The following HSD17B11 variants were observed in gnomAD, a reference collection of about 807,000 sequenced individuals.
HSD17B11 encodes estradiol 17-beta-dehydrogenase 11.
In HSD17B11, 22 loss-of-function variants were observed where a neutral mutation model predicts 27.8. The observed-to-expected ratio is 0.79, with a 90% CI of 0.56 to 1.13. The LOEUF (loss-of-function observed/expected upper bound fraction) is 1.13. Ranked by LOEUF, HSD17B11 falls within the 50% of genes most tolerant of loss-of-function variation. HSD17B11 has a pLI of 0.00. For missense variants in HSD17B11, 314 were observed against 351.1 expected (o/e 0.89, Z 0.84); for synonymous variants, 117 against 132.8 (o/e 0.88, Z 0.82).
At position 87,357,105 on chromosome 4, in the gene HSD17B11, T is replaced by C. The variant is rs76359325; in HGVS notation, c.695+174A>G. On this transcript the variant is annotated intron_variant, in intron 5 of 6. Transcript: ENST00000358290. Reference sequence around the variant, plus strand: ...ACTTTTTTAGTCACGCTCCCTTGCTTTCTCTCTTTTTGGCTTTCCACCTGT... The same window carrying C: ...ACTTTTTTAGTCACGCTCCCTTGCTCTCTCTCTTTTTGGCTTTCCACCTGT... Among the ~76,000 whole-genome samples, 741 of 152,332 alleles carry C rather than the reference T, an allele frequency of 4.9e-3. 11 individuals are homozygous for C. The East Asian group carries it at 0.055, about 11-fold the overall frequency.
At chr4:87,378,783 ATATATATATGATTT>A (rs1385801866) in intron 2 of HSD17B11, among the ~76,000 whole-genome samples, 3 of 116,578 alleles carry the variant, frequency 2.6e-5, no homozygotes, top group Non-Finnish European at 3.5e-5. Flanking sequence ...TTTTGCGTGT[ATATATATATGATTT>A]TATATATATA....
At chr4:87,376,518 A>C (rs1011678736) in intron 2 of HSD17B11, among the ~76,000 whole-genome samples, 1 of 147,584 alleles carries the variant, frequency 6.8e-6, no homozygotes, top group East Asian at 1.9e-4. Flanking sequence ...AAAAAAAAAA[A>C]AAAACCCAAA....
intron 2 of HSD17B11, among the ~76,000 whole-genome samples, chr4:87,376,199 T>C (rs1560768029): frequency 6.6e-6 from 1 of 152,122 alleles, no homozygotes. Flanking sequence ...CAGGTGTCTA[T>C]GAGGGTACTT....
In HSD17B11 at chr4:87,390,962, C is replaced by T; in HGVS notation, c.109G>A (p.Glu37Lys). Residue 37 changes from glutamate (E) to lysine (K), a missense_variant, in exon 1 of 7, where the codon GAA becomes AAA. Physicochemically the swap from Glu to Lys is moderately conservative, Grantham distance 56 (BLOSUM62 1). Coordinates refer to ENST00000358290, the MANE Select transcript of HSD17B11 (RefSeq NM_016245.5). ...IPKRRKSVTG[E>K]IVLITGAGHG... The stretch of plus-strand genomic sequence containing the variant: ...CCAGCTCCTGTAATCAGCACGATTT[C>T]GCCGGTGACTGATTTTCTCCTCTTA... The T allele has an allele frequency of 1.2e-6, 2 of 1,614,140 alleles. No individual in the cohort carries two copies. The highest frequency in any genetic ancestry group is 1.7e-6 in the Non-Finnish European group (2 of 1,180,012).
At position 87,365,435 on chromosome 4, in the gene HSD17B11, T is replaced by G. The variant is rs546005322; in HGVS notation, c.557+7274A>C. On this transcript the variant is annotated intron_variant, in intron 4 of 6. Transcript: ENST00000358290. ...TCTAAATTAAGGTCAGATATCAGAT[T>G]TGCTAAATGCTTTAAGGACAAACTG... Among the ~76,000 whole-genome samples the G allele has an allele frequency of 3.9e-5, 6 of 152,354 alleles. No individual in the cohort carries two copies. The South Asian group carries it at 1.2e-3, about 32-fold the overall frequency.
chr4:87,341,641 G>A (rs915401774), intron 5 of HSD17B11, among the ~76,000 whole-genome samples: 13 of 151,938 alleles, frequency 8.6e-5, no homozygotes, highest in East Asian at 5.9e-4. Flanking sequence ...CGGGTGGAGC[G>A]CTTGAGCCCA....
rs567229769 is a variant in HSD17B11, at chr4:87,368,693, C to T, written c.557+4016G>A. On this transcript the variant is annotated intron_variant, in intron 4 of 6. Transcript: ENST00000358290. ...CAGCACAAAATACAGGTCATAAAGACCTCGCTGATGATAAAACAGGTTACA... is the reference window on the plus strand; with the variant it reads ...CAGCACAAAATACAGGTCATAAAGATCTCGCTGATGATAAAACAGGTTACA... 9.2e-5 allele frequency among the ~76,000 whole-genome samples: 14 copies of T among 152,240 alleles called. No individual in the cohort carries two copies. In the South Asian group the frequency reaches 2.9e-3, roughly 32 times the overall value.
chr4:87,362,262 C>T (rs994948020), intron 4 of HSD17B11, among the ~76,000 whole-genome samples: 3 of 152,208 alleles, frequency 2.0e-5, no homozygotes, highest in Admixed American at 6.5e-5. Context: ...CAGTGGCTCA[C>T]GCCTGTAATC....
intron 1 of HSD17B11, among the ~76,000 whole-genome samples, chr4:87,383,647 G>A (rs1720229272): frequency 6.6e-6 from 1 of 151,906 alleles, no homozygotes; most frequent in Non-Finnish European, 1.5e-5. Flanking sequence ...AGTCCAATTT[G>A]GGGCGCCAAT....
At chr4:87,346,186 G>C (rs1487435686) in intron 5 of HSD17B11, among the ~76,000 whole-genome samples, 1 of 152,160 alleles carries the variant, frequency 6.6e-6, no homozygotes, top group Non-Finnish European at 1.5e-5. Flanking sequence ...CATCATCTCA[G>C]TAGGTATCAA....
chr4:87,340,487 T>A lies in HSD17B11; in HGVS notation c.812+3A>T. The A allele has an allele frequency of 6.4e-7, 1 of 1,564,702 alleles. No homozygotes were observed. Among genetic ancestry groups the A allele is most frequent in the Non-Finnish European group, 8.7e-7 (1 of 1,143,584 alleles). ...TTTCTAAGGTTTCTTAACTGTCACTTACCTTTCCAATGTTGTTAAAAAAGC... is the reference window on the plus strand; with the variant it reads ...TTTCTAAGGTTTCTTAACTGTCACTAACCTTTCCAATGTTGTTAAAAAAGC... On this transcript the variant is annotated splice_donor_region_variant and intron_variant, in intron 6 of 6. Coordinates refer to ENST00000358290, the MANE Select transcript of HSD17B11 (RefSeq NM_016245.5).
At position 87,358,652 on chromosome 4, in the gene HSD17B11, C is replaced by T. The variant is rs115260929; in HGVS notation, c.558-1236G>A. On this transcript the variant is annotated intron_variant, in intron 4 of 6. Coordinates refer to ENST00000358290, the MANE Select transcript of HSD17B11 (RefSeq NM_016245.5). ...GTCATTTTAACCATTTTTAAGTGTG[C>T]AATTCAGTGGCAATAATTATCAGAT... is the stretch of plus-strand genomic sequence containing the variant. Among the ~76,000 whole-genome samples the T allele has an allele frequency of 9.0e-3, 1,368 of 152,050 alleles. 10 individuals carry two copies. Among genetic ancestry groups the T allele is most frequent in the Middle Eastern group, 0.034 (10 of 292 alleles).
chr4:87,363,674 A>AATACAC (rs1382919608), intron 4 of HSD17B11, among the ~76,000 whole-genome samples: 2 of 152,206 alleles, frequency 1.3e-5, no homozygotes, highest in Non-Finnish European at 2.9e-5. Context: ...AATCATATTA[A>AATACAC]ATAGTTAAAA....
chr4:87,390,083 C>T (rs868016205), intron 1 of HSD17B11, among the ~76,000 whole-genome samples: 21 of 152,264 alleles, frequency 1.4e-4, no homozygotes, highest in African/African-American at 4.8e-4. Flanking sequence ...CTCAGCCTCC[C>T]GGAAAAGATG....
chr4:87,374,790 T>C lies in HSD17B11; in HGVS notation c.359A>G (p.Asn120Ser). 6.3e-7 allele frequency: 1 copy of C among 1,588,532 alleles called. No homozygotes were observed. The part of the protein sequence containing the change: ...EIGDVSILVN[N>S]AGVVYTSDLF... ...ATCTGATGTATAGACTACACCAGCA[T>C]TATTTACTAAAATACTAACATCTCC... The change falls in exon 3 of 7, where the codon AAT becomes AGT. Residue 120 changes from asparagine to serine, a missense_variant. By Grantham distance (46) the Asn-to-Ser change is conservative. Transcript: ENST00000358290.
chr4:87,372,619 A>T (rs1735739589), intron 4 of HSD17B11, 90 bp downstream of exon 4: 1 of 791,906 alleles, frequency 1.3e-6, no homozygotes, highest in Non-Finnish European at 2.1e-6. Flanking sequence ...GTCTCTTATG[A>T]TTATAAAGAG....
chr4:87,337,943 C>T (rs370687181), intron 6 of HSD17B11, among the ~76,000 whole-genome samples: 2 of 152,194 alleles, frequency 1.3e-5, no homozygotes, highest in East Asian at 1.9e-4. Flanking sequence ...CTTGGCCTGG[C>T]GTGGTGGCTC....
rs781517565 is a variant in HSD17B11 at position 87,357,271 on chromosome 4, CAA to C, written c.695+6_695+7del. 9 of 1,609,456 alleles carry C rather than the reference CAA, an allele frequency of 5.6e-6. No individual in the cohort carries two copies. The highest frequency in any genetic ancestry group is 6.8e-6 in the Non-Finnish European group (8 of 1,178,648). On this transcript the variant is annotated splice_donor_region_variant and intron_variant, in intron 5 of 6. Transcript: ENST00000358290. Reference sequence around the variant, plus strand: ...CACCAATCCTTTTGTCTCAATTTCTCAACTTACCTTGTACTTGGATTTTTGAT... The same window carrying C: ...CACCAATCCTTTTGTCTCAATTTCTCCTTACCTTGTACTTGGATTTTTGAT...
chr4:87,359,505 G>C (rs1735465961), intron 4 of HSD17B11, among the ~76,000 whole-genome samples: 1 of 152,110 alleles, frequency 6.6e-6, no homozygotes, highest in Non-Finnish European at 1.5e-5. Flanking sequence ...GGGACTACAG[G>C]CATGTGCCAC....
Sources: allele counts gnomAD v4.1 joint callset (sites outside exome capture counted in the v4.1 genomes callset), GRCh38; gene constraint gnomAD v4.1.1; transcripts MANE v1.5; gene names NCBI Gene and HGNC (gene_info 2026-07-23, HGNC 2026-07-21).